SLC14A2: variants seen among roughly 807,000 people sequenced by gnomAD.
The protein encoded by SLC14A2 is solute carrier family 14 member 2.
Under a neutral mutation model 104.6 loss-of-function variants are expected in SLC14A2, and 91 were observed. The observed-to-expected ratio is 0.87, with a 90% CI of 0.73 to 1.04. The LOEUF (loss-of-function observed/expected upper bound fraction) is 1.04. SLC14A2 is among the 50% of genes least tolerant of loss of function. The pLI, the probability that SLC14A2 is intolerant of heterozygous loss-of-function variation, is 0.00. For synonymous variants in SLC14A2, 476 were observed against 466.4 expected, an observed-to-expected ratio of 1.02 and a Z score of -0.27; for missense variants, 1,189 against 1,156.0, an observed-to-expected ratio of 1.03 and a Z score of -0.41.
At chr18:45,544,469 T>G (rs1814364624) in intron 2 of SLC14A2, among the ~76,000 whole-genome samples, 1 of 152,216 alleles carries the variant, frequency 6.6e-6, no homozygotes, top group African/African-American at 2.4e-5. Flanking sequence ...TGATGTTGTC[T>G]TGTTCATAGT....
intron 1 of SLC14A2, among the ~76,000 whole-genome samples, chr18:45,383,957 A>T (rs1387171778): frequency 6.6e-6 from 1 of 152,100 alleles, no homozygotes; most frequent in African/African-American, 2.4e-5. Flanking sequence ...CATTTTCAGG[A>T]TGGATTTGAA....
intron 1 of SLC14A2, among the ~76,000 whole-genome samples, chr18:45,276,748 A>C (rs2144131978): frequency 6.6e-6 from 1 of 152,328 alleles, no homozygotes; most frequent in East Asian, 1.9e-4. Flanking sequence ...CCTAAGTTAC[A>C]TTTTATTTTA....
intron 9 of SLC14A2, 57 bp from the exon 10 acceptor site, chr18:45,643,929 C>G: frequency 6.6e-7 from 1 of 1,521,710 alleles, no homozygotes; most frequent in Non-Finnish European, 9.0e-7. Context: ...CCCAGAGTCC[C>G]CAGCCCAACA....
intron 1 of SLC14A2, among the ~76,000 whole-genome samples, chr18:45,277,944 C>T (rs2084720434): frequency 6.6e-6 from 1 of 152,180 alleles, no homozygotes; most frequent in South Asian, 2.1e-4. Context: ...TAAGTACACG[C>T]TGCTTTTACT....
chr18:45,679,580 A>C (rs2046282783), intron 19 of SLC14A2, among the ~76,000 whole-genome samples: 1 of 152,214 alleles, frequency 6.6e-6, no homozygotes, highest in Non-Finnish European at 1.5e-5. Context: ...CCCAGTGCAG[A>C]GGGCTCAGGG....
intron 1 of SLC14A2, among the ~76,000 whole-genome samples, chr18:45,236,325 G>A (rs201706581): frequency 3.0e-5 from 1 of 33,188 alleles, no homozygotes; most frequent in Non-Finnish European, 4.9e-5. Flanking sequence ...ATATATACAT[G>A]TATGTGTGTA....
intron 1 of SLC14A2, among the ~76,000 whole-genome samples, chr18:45,479,914 G>A (rs1408129807): frequency 3.9e-5 from 6 of 152,152 alleles, no homozygotes; most frequent in Admixed American, 6.5e-5. Context: ...ATTGCAAGAC[G>A]TGAACATTTA....
intron 1 of SLC14A2, among the ~76,000 whole-genome samples, chr18:45,242,272 C>T (rs2084325701): frequency 6.6e-6 from 1 of 152,142 alleles, no homozygotes; most frequent in African/African-American, 2.4e-5. Context: ...TTACTTTCAT[C>T]TTGAAATGTT....
the SLC14A2 span, among the ~76,000 whole-genome samples, chr18:45,173,213 T>C: frequency 6.6e-6 from 1 of 152,136 alleles, no homozygotes; most frequent in Non-Finnish European, 1.5e-5. Context: ...CTGGAAGATA[T>C]ATTTAATGTT....
intron 2 of SLC14A2, among the ~76,000 whole-genome samples, chr18:45,498,736 GAA>G (rs2043142636): frequency 6.6e-6 from 1 of 152,050 alleles, no homozygotes; most frequent in South Asian, 2.1e-4. Flanking sequence ...TTAAGGGAAA[GAA>G]AAAAAGAGAG....
At position 45,666,240 on chromosome 18, in the gene SLC14A2, A is replaced by G. The variant is rs766652750; in HGVS notation, c.1557+21A>G. The G allele has an allele frequency of 2.6e-6, 4 of 1,540,038 alleles. No individual in the cohort carries two copies. In the Admixed American group the frequency reaches 6.7e-5, roughly 26 times the overall value. On this transcript the variant is annotated intron_variant, in intron 12 of 19. Transcript: ENST00000255226. Reference sequence around the variant, plus strand: ...TGCTTGTGAGTACTGAGTGTCCTGAATCAGGGACAGCGCCCTACAGTCACA... The same window carrying G: ...TGCTTGTGAGTACTGAGTGTCCTGAGTCAGGGACAGCGCCCTACAGTCACA...
At chr18:45,506,702 A>T (rs573574285) in intron 2 of SLC14A2, among the ~76,000 whole-genome samples, 1 of 152,240 alleles carries the variant, frequency 6.6e-6, no homozygotes, top group Non-Finnish European at 1.5e-5. Flanking sequence ...CACAGGGAGC[A>T]TGGCCCTGCC....
At chr18:45,679,820 C>T (rs551096286) in intron 19 of SLC14A2, among the ~76,000 whole-genome samples, 2 of 152,286 alleles carry the variant, frequency 1.3e-5, no homozygotes, top group South Asian at 2.1e-4. Flanking sequence ...TCCCGTCTTC[C>T]CCAGTGAACT....
chr18:45,564,319 T>C (rs1271197322), intron 2 of SLC14A2, among the ~76,000 whole-genome samples: 7 of 152,220 alleles, frequency 4.6e-5, no homozygotes, highest in African/African-American at 1.7e-4. Context: ...ATTTAAAAAC[T>C]TGTTTCTCTT....
intron 2 of SLC14A2, among the ~76,000 whole-genome samples, chr18:45,553,369 C>A (rs747298159): frequency 2.3e-4 from 35 of 152,200 alleles, no homozygotes; most frequent in South Asian, 4.2e-4. Context: ...TTCCCTTGAC[C>A]AGCCTAAGCC....
At chr18:45,489,581 A>T (rs1385982111) in intron 2 of SLC14A2, among the ~76,000 whole-genome samples, 1 of 152,202 alleles carries the variant, frequency 6.6e-6, no homozygotes, top group African/African-American at 2.4e-5. Flanking sequence ...AGGTGAAGAA[A>T]TTGAGATTCA....
chr18:45,357,530 A>C (rs2085567837), intron 1 of SLC14A2, among the ~76,000 whole-genome samples: 1 of 152,158 alleles, frequency 6.6e-6, no homozygotes, highest in Non-Finnish European at 1.5e-5. Flanking sequence ...ACATGATAGC[A>C]CCACTGAGCT....
intron 1 of SLC14A2, among the ~76,000 whole-genome samples, chr18:45,455,260 A>T (rs1172149494): frequency 6.6e-6 from 1 of 152,176 alleles, no homozygotes; most frequent in Non-Finnish European, 1.5e-5. Context: ...GTCCATCCAC[A>T]ATAGACTGGA....
intron 1 of SLC14A2, among the ~76,000 whole-genome samples, chr18:45,458,289 C>T (rs1051471180): frequency 6.6e-6 from 1 of 152,170 alleles, no homozygotes; most frequent in Non-Finnish European, 1.5e-5. Flanking sequence ...TGGCTCCTCT[C>T]ATTAGTCTCC....
Sources: gnomAD v4.1 joint callset for allele counts (sites outside exome capture counted in the v4.1 genomes callset) on GRCh38, gnomAD v4.1.1 for gene constraint, MANE v1.5 for transcripts, NCBI Gene and HGNC (gene_info 2026-07-23, HGNC 2026-07-21) for gene names.